FMN1: variants seen among roughly 807,000 people sequenced by gnomAD.
FMN1 encodes formin-1.
FMN1 carries 110 observed loss-of-function variants against 132.4 expected under a neutral mutation model. The observed-to-expected ratio is 0.83, with a 90% CI of 0.71 to 0.97. The LOEUF is 0.97. Ranked by LOEUF, FMN1 falls within the 50% of genes least tolerant of loss-of-function variation. FMN1 has a pLI of 0.00. For missense variants in FMN1, 1,792 were observed against 1,705.3 expected, an observed-to-expected ratio of 1.05 and a Z score of -0.90; for synonymous variants, 722 against 651.7, an observed-to-expected ratio of 1.11 and a Z score of -1.64.
rs146345096 is a variant in FMN1, at chr15:33,075,291, A to C, written c.2044-10217T>G. ...AACAGCTTCCTTAGGGACACCAACC[A>C]TCATCTAACAGATGTTTTTAGCATT... On this transcript the variant is annotated intron_variant, in intron 5 of 20. Coordinates refer to ENST00000616417, the MANE Select transcript of FMN1 (RefSeq NM_001277313.2). Among the ~76,000 whole-genome samples, 21 of 152,240 alleles carry C rather than the reference A, an allele frequency of 1.4e-4. 1 individual carries two copies. The South Asian group carries it at 4.4e-3, about 32-fold the overall frequency.
rs2056248101 is a variant in FMN1, at chr15:32,771,623, A to C, written c.*2687T>G. The C allele has an allele frequency of 6.6e-6, 1 of 152,196 alleles. No individual in the cohort carries two copies. Among genetic ancestry groups the C allele is most frequent in the South Asian group, 2.1e-4 (1 of 4,826 alleles). The allele number at this position is 152,196 out of a possible 1,614,324, so 9.4% of individuals were successfully genotyped here. A position where few individuals can be genotyped will look rare whatever the true frequency, so the allele number is the denominator to read the frequency against. ...TGTGTCTGGTTAGATGCAGCATAGC[A>C]AACTGGTTACTCTCCTTTCTAGTTC... is the stretch of plus-strand genomic sequence containing the variant. On this transcript the variant is annotated 3_prime_UTR_variant, in exon 21 of 21. Transcript: ENST00000616417.
At chr15:33,086,255 T>TAAA (rs552991552) in intron 5 of FMN1, among the ~76,000 whole-genome samples, 2 of 85,248 alleles carry the variant, frequency 2.3e-5, no homozygotes, top group Admixed American at 1.2e-4. Context: ...CATCTCAAAT[T>TAAA]AAAAAAAAAA....
chr15:32,830,193 AT>A (rs1257630334), intron 17 of FMN1, among the ~76,000 whole-genome samples: 3 of 152,190 alleles, frequency 2.0e-5, no homozygotes, highest in Non-Finnish European at 2.9e-5. Context: ...GTTATTGGAT[AT>A]GAAATAACAA....
intron 5 of FMN1, among the ~76,000 whole-genome samples, chr15:33,085,877 A>G (rs1421244042): frequency 6.6e-6 from 1 of 152,214 alleles, no homozygotes; most frequent in African/African-American, 2.4e-5. Context: ...ATATCATTTC[A>G]TGGAATATTC....
chr15:33,123,770 T>C (rs970635728), intron 4 of FMN1, among the ~76,000 whole-genome samples: 15 of 152,322 alleles, frequency 9.8e-5, no homozygotes, highest in African/African-American at 3.6e-4. Context: ...TACGTAAAGT[T>C]TCTTAGTTAG....
At chr15:33,071,886 T>A (rs73378532) in intron 5 of FMN1, among the ~76,000 whole-genome samples, 3,192 of 152,294 alleles carry the variant, frequency 0.021, 109 homozygotes, top group African/African-American at 0.074. Context: ...TCAGGGAGGA[T>A]AGTAATCACT....
intron 5 of FMN1, among the ~76,000 whole-genome samples, chr15:33,082,020 G>GGTGTGT (rs57369569): frequency 0.014 from 1,625 of 117,800 alleles, 33 homozygotes; most frequent in African/African-American, 0.043. Context: ...AGAGTTCAGG[G>GGTGTGT]GTGTGTGTGT....
At chr15:32,865,855 A>AT (rs1555478267) in intron 16 of FMN1, among the ~76,000 whole-genome samples, 3 of 18,386 alleles carry the variant, frequency 1.6e-4, no homozygotes, top group African/African-American at 2.2e-4. Flanking sequence ...AAAAAAAAAT[A>AT]AAATAAAATA....
chr15:32,903,936 G>A (rs1035606012), intron 12 of FMN1, among the ~76,000 whole-genome samples: 1 of 152,122 alleles, frequency 6.6e-6, no homozygotes, highest in Non-Finnish European at 1.5e-5. Flanking sequence ...AGAGTTGGAG[G>A]GGGGAGAAAA....
chr15:32,916,994 G>A (rs1423074813), intron 10 of FMN1, among the ~76,000 whole-genome samples: 1 of 152,136 alleles, frequency 6.6e-6, no homozygotes, highest in Non-Finnish European at 1.5e-5. Flanking sequence ...CAAAGGCAAC[G>A]ATAACATGGG....
chr15:32,963,066 C>T (rs2030769956), intron 9 of FMN1, among the ~76,000 whole-genome samples: 1 of 147,058 alleles, frequency 6.8e-6, no homozygotes, highest in South Asian at 2.1e-4. Context: ...TGGCATTATT[C>T]ACAATAGCAA....
At chr15:33,053,638 C>A (rs780327975) in intron 6 of FMN1, among the ~76,000 whole-genome samples, 1 of 152,088 alleles carries the variant, frequency 6.6e-6, no homozygotes. Flanking sequence ...CTCCCCATCT[C>A]AAGTTTGATA....
chr15:32,987,589 A>G lies in FMN1; in HGVS notation c.2224-18112T>C, dbSNP rs897710939. ...GAAAGAAAAAAACTTTGATTTTTAT[A>G]AAGATTGGCATGAAGATCATTCTTC... is the stretch of plus-strand genomic sequence containing the variant. On this transcript the variant is annotated intron_variant, in intron 7 of 20. Transcript: ENST00000616417. Among the ~76,000 whole-genome samples the G allele has an allele frequency of 4.6e-5, 7 of 152,300 alleles. No individual in the cohort carries two copies. In the South Asian group the frequency reaches 1.5e-3, roughly 32 times the overall value.
At chr15:33,035,696 T>A (rs993302013) in intron 6 of FMN1, among the ~76,000 whole-genome samples, 2 of 152,192 alleles carry the variant, frequency 1.3e-5, no homozygotes, top group Non-Finnish European at 2.9e-5. Flanking sequence ...CCCTGCAGCC[T>A]CTTTTCTTTT....
At chr15:32,836,207 A>T (rs2058623740) in intron 17 of FMN1, among the ~76,000 whole-genome samples, 1 of 152,150 alleles carries the variant, frequency 6.6e-6, no homozygotes, top group Admixed American at 6.5e-5. Context: ...TTAGGAAGAA[A>T]GGGACTAGAT....
chr15:33,092,682 G>T (rs910202308), intron 4 of FMN1, among the ~76,000 whole-genome samples: 1 of 152,118 alleles, frequency 6.6e-6, no homozygotes, highest in Non-Finnish European at 1.5e-5. Flanking sequence ...AGGCCAGTAC[G>T]TAAAAACAAT....
intron 4 of FMN1, among the ~76,000 whole-genome samples, chr15:33,127,978 G>GT (rs1298595512): frequency 2.0e-5 from 3 of 150,314 alleles, no homozygotes; most frequent in South Asian, 4.4e-4. Context: ...GGAAAGGAAG[G>GT]TAACAGAAGG....
chr15:33,004,760 T>A (rs935229988), intron 7 of FMN1, among the ~76,000 whole-genome samples: 9 of 152,184 alleles, frequency 5.9e-5, no homozygotes, highest in African/African-American at 2.2e-4. Flanking sequence ...GTGGCACTAT[T>A]CACAATAGCA....
intron 4 of FMN1, among the ~76,000 whole-genome samples, chr15:33,148,706 AG>A (rs1964326941): frequency 1.3e-5 from 2 of 152,128 alleles, no homozygotes; most frequent in Non-Finnish European, 2.9e-5. Context: ...TCAGCCTTGC[AG>A]GTATCTGTTT....
Sources: gnomAD v4.1 joint callset for allele counts (sites outside exome capture counted in the v4.1 genomes callset) on GRCh38, gnomAD v4.1.1 for gene constraint, MANE v1.5 for transcripts, NCBI Gene and HGNC (gene_info 2026-07-23, HGNC 2026-07-21) for gene names.